Variants in TCF4 observed in about 807,000 individuals in gnomAD.
The protein encoded by TCF4 is SL3-3 enhancer factor 2.
Under a neutral mutation model 82.1 loss-of-function variants are expected in TCF4, and 3 were observed. The ratio of observed to expected loss-of-function variants is 0.04; its 90% CI spans 0.02 to 0.09. TCF4 has a LOEUF of 0.09. TCF4 is among the 10% of genes least tolerant of loss of function. The pLI is 1.00. For synonymous variants in TCF4, 276 were observed against 309.6 expected (o/e 0.89, Z 1.14); for missense variants, 518 against 852.7 (o/e 0.61, Z 4.89).
chr18:55,540,450 T>C (rs1389085661), intron 3 of TCF4, among the ~76,000 whole-genome samples: 1 of 152,150 alleles, frequency 6.6e-6, no homozygotes, highest in Non-Finnish European at 1.5e-5. Context: ...ACATCTTTAC[T>C]TATTTGCAGG....
chr18:55,548,041 G>A (rs770105645), intron 3 of TCF4, among the ~76,000 whole-genome samples: 27 of 152,114 alleles, frequency 1.8e-4, no homozygotes, highest in Non-Finnish European at 2.9e-4. Context: ...CCCTTACTCC[G>A]CTCAGTAATC....
intron 2 of TCF4, among the ~76,000 whole-genome samples, chr18:55,604,823 CGACT>C (rs2097700769): frequency 6.6e-6 from 1 of 152,098 alleles, no homozygotes; most frequent in Non-Finnish European, 1.5e-5. Flanking sequence ...CTACTTGCTA[CGACT>C]TTTCCAGTAG....
chr18:55,634,723 A>G (rs1288907747), intron 1 of TCF4, among the ~76,000 whole-genome samples: 1 of 152,216 alleles, frequency 6.6e-6, no homozygotes, highest in Non-Finnish European at 1.5e-5. Flanking sequence ...GTAGGGAGTA[A>G]CAAAGTGAGG....
chr18:55,270,644 C>T (rs560614786), intron 10 of TCF4, among the ~76,000 whole-genome samples: 5 of 152,232 alleles, frequency 3.3e-5, no homozygotes, highest in African/African-American at 1.2e-4. Context: ...ACATAGCTGG[C>T]AATGAAAGAA....
At chr18:55,588,686 A>G, upstream of TCF4, 2 of 1,334,672 alleles carry the variant, frequency 1.5e-6, no homozygotes, top group Admixed American at 3.4e-5. Context: ...GACTTTGCCA[A>G]GAGGAACAAT....
intron 3 of TCF4, chr18:55,510,856 A>G: frequency 1.1e-6 from 1 of 877,688 alleles, no homozygotes; most frequent in Non-Finnish European, 1.4e-6. Flanking sequence ...CTACATTAGA[A>G]ATTTGAACAA....
chr18:55,419,863 C>A (rs528656795), intron 5 of TCF4, among the ~76,000 whole-genome samples: 2 of 152,286 alleles, frequency 1.3e-5, no homozygotes, highest in Admixed American at 6.5e-5. Context: ...GGCTTCGCTG[C>A]CCACAAACAA....
At chr18:55,264,318 T>G (rs778689537) in intron 11 of TCF4, among the ~76,000 whole-genome samples, 9 of 152,178 alleles carry the variant, frequency 5.9e-5, no homozygotes, top group Non-Finnish European at 1.2e-4. Context: ...AGACTATTTT[T>G]TAACATGAAG....
At chr18:55,503,939 G>C (rs1358253967) in intron 3 of TCF4, among the ~76,000 whole-genome samples, 1 of 152,164 alleles carries the variant, frequency 6.6e-6, no homozygotes, top group Admixed American at 6.5e-5. Context: ...GCCAGGTGTG[G>C]TGGCACATGC....
chr18:55,469,805 T>A (rs1332300148), intron 3 of TCF4: 1 of 152,184 alleles, frequency 6.6e-6, no homozygotes, highest in Non-Finnish European at 1.5e-5. Context: ...TTTTGTGAAC[T>A]ACGAAATAAG....
intron 6 of TCF4, among the ~76,000 whole-genome samples, chr18:55,365,845 T>C (rs2086893538): frequency 6.6e-6 from 1 of 152,244 alleles, no homozygotes; most frequent in Non-Finnish European, 1.5e-5. Context: ...TGAGCTGAGA[T>C]AGTGCCATTG....
chr18:55,329,584 A>G (rs911485857), intron 8 of TCF4, among the ~76,000 whole-genome samples: 4 of 152,228 alleles, frequency 2.6e-5, no homozygotes, highest in Non-Finnish European at 5.9e-5. Flanking sequence ...TGGGAAAAAA[A>G]TTGATATTGA....
chr18:55,379,734 G>A (rs2091545949), intron 6 of TCF4, among the ~76,000 whole-genome samples: 2 of 152,142 alleles, frequency 1.3e-5, no homozygotes, highest in South Asian at 4.1e-4. Context: ...CATAATTAAT[G>A]ATGTCTAAGT....
intron 3 of TCF4, among the ~76,000 whole-genome samples, chr18:55,477,986 T>C (rs997915690): frequency 1.6e-4 from 25 of 152,222 alleles, no homozygotes; most frequent in African/African-American, 4.3e-4. Context: ...GTAAGTGGAA[T>C]GGTAAAAAGC....
At chr18:55,289,673 T>A (rs897130264) in intron 8 of TCF4, among the ~76,000 whole-genome samples, 3 of 152,206 alleles carry the variant, frequency 2.0e-5, no homozygotes. Flanking sequence ...AAAATAGCTT[T>A]GTGACCTCTG....
In TCF4 at chr18:55,224,937, A is replaced by T. The variant is rs2046398270; in HGVS notation, c.*3098T>A. 6.6e-6 allele frequency: 1 copy of T among 152,326 alleles called. No homozygotes were observed. The highest frequency in any genetic ancestry group is 2.4e-5 in the African/African-American group (1 of 41,444). The allele number at this position is 152,326 out of a possible 1,614,324, so 9.4% of individuals were successfully genotyped here. A position where few individuals can be genotyped will look rare whatever the true frequency, so the allele number is the denominator to read the frequency against. ...AGATAGCGTAGTATGGACCCTTTTG[A>T]AATTTTTGTATAGTACTTTAATCTT... is the stretch of plus-strand genomic sequence containing the variant. On this transcript the variant is annotated 3_prime_UTR_variant, in exon 20 of 20. Coordinates refer to ENST00000354452, the MANE Select transcript of TCF4 (RefSeq NM_001083962.2).
At chr18:55,479,093 T>C (rs1213379726) in intron 3 of TCF4, 1 of 152,158 alleles carries the variant, frequency 6.6e-6, no homozygotes, top group South Asian at 2.1e-4. Context: ...ATTTTAAACC[T>C]GTAACCAATA....
chr18:55,338,441 A>T (rs1435785838), intron 8 of TCF4, among the ~76,000 whole-genome samples: 2 of 152,196 alleles, frequency 1.3e-5, no homozygotes, highest in African/African-American at 4.8e-5. Context: ...GAGAGGATTC[A>T]GGCCCTCCAA....
chr18:55,481,035 C>T lies in TCF4; in HGVS notation c.146-16898G>A, dbSNP rs554635174. On this transcript the variant is annotated intron_variant, in intron 3 of 19. Coordinates refer to ENST00000354452, the MANE Select transcript of TCF4 (RefSeq NM_001083962.2). ...AGGAGAATCACTTGAACATGGAAGG[C>T]GGAGGCTGCAGTGAGCCAAGACTGT... 1.5e-4 allele frequency among the ~76,000 whole-genome samples: 21 copies of T among 137,436 alleles called. No individual in the cohort carries two copies. In the East Asian group the frequency reaches 3.7e-3, roughly 24 times the overall value. 90.2% of individuals were successfully genotyped at this position (137,436 alleles called of 152,430 possible). A position where few individuals can be genotyped will look rare whatever the true frequency, so the allele number is the denominator to read the frequency against.
Sources: gnomAD v4.1 joint callset for allele counts (sites outside exome capture counted in the v4.1 genomes callset) on GRCh38, gnomAD v4.1.1 for gene constraint, MANE v1.5 for transcripts, NCBI Gene and HGNC (gene_info 2026-07-23, HGNC 2026-07-21) for gene names.